The following ITCH variants were observed in gnomAD, a reference collection of about 807,000 sequenced individuals.
ITCH encodes the protein E3 ubiquitin-protein ligase Itchy homolog.
ITCH carries 28 observed loss-of-function variants against 126.8 expected under a neutral mutation model. The observed-to-expected ratio is 0.22, with a 90% CI of 0.16 to 0.30. The LOEUF is 0.30. ITCH is among the 10% of genes least tolerant of loss of function. The pLI, the probability that ITCH is intolerant of heterozygous loss-of-function variation, is 1.00. For synonymous variants in ITCH, 342 were observed against 340.0 expected, an observed-to-expected ratio of 1.01 and a Z score of -0.06; for missense variants, 631 against 1,032.4, an observed-to-expected ratio of 0.61 and a Z score of 5.33.
intron 11 of ITCH, among the ~76,000 whole-genome samples, 179 bp from the exon 12 acceptor site, chr20:34,449,232 G>T (rs1005308661): frequency 6.6e-6 from 1 of 151,762 alleles, no homozygotes; most frequent in African/African-American, 2.4e-5. Context: ...TGTTTGCACC[G>T]GTTTTTTTTA....
intron 3 of ITCH, among the ~76,000 whole-genome samples, chr20:34,407,626 A>G (rs1480537531): frequency 2.0e-5 from 3 of 152,060 alleles, no homozygotes; most frequent in African/African-American, 7.2e-5. Flanking sequence ...CCCTTCATTT[A>G]CCATTCCTTC....
intron 14 of ITCH, among the ~76,000 whole-genome samples, chr20:34,465,304 G>A (rs1986947555): frequency 6.6e-6 from 1 of 150,524 alleles, no homozygotes; most frequent in Non-Finnish European, 1.5e-5. Flanking sequence ...TTCAAATCAG[G>A]AAGGTATGTG....
At chr20:34,438,811 C>G (rs895882714) in intron 8 of ITCH, among the ~76,000 whole-genome samples, 180 bp downstream of exon 8, 6 of 152,064 alleles carry the variant, frequency 3.9e-5, no homozygotes, top group African/African-American at 1.2e-4. Context: ...AGTTTTTGTT[C>G]AAGGTGACGT....
rs542783167 is a variant in ITCH, at chr20:34,373,478, A to G, written c.-22+4008A>G. Among the ~76,000 whole-genome samples, 8 of 152,040 alleles carry G rather than the reference A, an allele frequency of 5.3e-5. No individual in the cohort carries two copies. In the East Asian group the frequency reaches 5.8e-4, roughly 11 times the overall value. ...TTTACTAGAGATGGGGTTTCACCATATTGGCCAGGCTGGTCTCAAACTCCT... is the reference window on the plus strand; with the variant it reads ...TTTACTAGAGATGGGGTTTCACCATGTTGGCCAGGCTGGTCTCAAACTCCT... On this transcript the variant is annotated intron_variant, in intron 2 of 24. Transcript: ENST00000374864.
At chr20:34,420,098 CTG>C (rs1980554962) in intron 6 of ITCH, among the ~76,000 whole-genome samples, 2 of 152,012 alleles carry the variant, frequency 1.3e-5, no homozygotes, top group Admixed American at 6.6e-5. Context: ...ATATTTAAAA[CTG>C]AGATGAAATT....
At chr20:34,505,060 T>C (rs751797402) in intron 24 of ITCH, among the ~76,000 whole-genome samples, 31 of 151,904 alleles carry the variant, frequency 2.0e-4, no homozygotes, top group Non-Finnish European at 4.0e-4. Context: ...TTGTTTGTTT[T>C]TGAGACAGGG....
At position 34,417,189 on chromosome 20, in the gene ITCH, C is replaced by T. The variant is rs765532777; in HGVS notation, c.475+3310C>T. On this transcript the variant is annotated intron_variant, in intron 6 of 24. Transcript: ENST00000374864. ...TCGGCTCACTGCAACCTCTGCCTCC[C>T]GGGTTTAAGTGATTCTCCTATCTCA... is the stretch of plus-strand genomic sequence containing the variant. 5.7e-5 allele frequency: 39 copies of T among 679,890 alleles called. 1 individual carries two copies. The highest frequency in any genetic ancestry group is 3.2e-4 in the African/African-American group (18 of 55,938). The allele number at this position is 679,890 out of a possible 1,614,324, so 42.1% of individuals were successfully genotyped here.
chr20:34,381,260 C>T (rs986952255), intron 2 of ITCH, among the ~76,000 whole-genome samples: 1 of 151,620 alleles, frequency 6.6e-6, no homozygotes, highest in South Asian at 2.1e-4. Flanking sequence ...ACTATCTGGA[C>T]GTGGTGGTGT....
intron 20 of ITCH, among the ~76,000 whole-genome samples, chr20:34,482,271 A>G (rs1042782214): frequency 1.3e-5 from 2 of 152,202 alleles, no homozygotes; most frequent in Non-Finnish European, 2.9e-5. Flanking sequence ...CCTTCTCAAC[A>G]GTCCCCAAAG....
Position 34,440,162 on chromosome 20 carries a change from C to T in ITCH, c.687C>T (p.Val229=), listed in dbSNP as rs775375421. 7.5e-6 allele frequency: 12 copies of T among 1,610,266 alleles called. No individual in the cohort carries two copies. In the East Asian group the frequency reaches 2.0e-4, roughly 27 times the overall value. Residue 229 remains valine, a synonymous_variant, in exon 9 of 25, where the codon GTC becomes GTT. Coordinates refer to ENST00000374864, the MANE Select transcript of ITCH (RefSeq NM_031483.7). ...TCCCCAAATCTTTTATAGCATCTGT[C>T]AATGGTTCACCATCTGCCACTTCTG... ...PPPTPRRPAS[V]NGSPSATSES...
intron 2 of ITCH, among the ~76,000 whole-genome samples, chr20:34,373,459 A>G (rs1245453216): frequency 6.6e-6 from 1 of 152,022 alleles, no homozygotes; most frequent in African/African-American, 2.4e-5. Flanking sequence ...TATTTTTACT[A>G]GAGATGGGGT....
At position 34,509,223 on chromosome 20, in the gene ITCH, C is replaced by T. The variant is rs983035290; in HGVS notation, c.*1429C>T. 2 of 152,472 alleles carry T rather than the reference C, an allele frequency of 1.3e-5. No homozygotes were observed. Among genetic ancestry groups the T allele is most frequent in the East Asian group, 1.9e-4 (1 of 5,198 alleles). 9.4% of individuals were successfully genotyped at this position (152,472 alleles called of 1,614,324 possible). A position where few individuals can be genotyped will look rare whatever the true frequency, so the allele number is the denominator to read the frequency against. ...TAATTATTTTAACTTGGCCTAGCTT[C>T]GACTGTCAAGGTGGCTGTTATAAAT... On this transcript the variant is annotated 3_prime_UTR_variant, in exon 25 of 25. Coordinates refer to ENST00000374864, the MANE Select transcript of ITCH (RefSeq NM_031483.7).
At position 34,459,688 on chromosome 20, in the gene ITCH, A is replaced by T. The variant is rs189202878; in HGVS notation, c.1295+2214A>T. On this transcript the variant is annotated intron_variant, in intron 13 of 24. Coordinates refer to ENST00000374864, the MANE Select transcript of ITCH (RefSeq NM_031483.7). The stretch of plus-strand genomic sequence containing the variant: ...ATGGTTTAGGTTGCACTGAGCTGAG[A>T]TCATACCACTGCATTCCAGCTTGGG... Among the ~76,000 whole-genome samples the T allele has an allele frequency of 2.6e-5, 4 of 152,306 alleles. No homozygotes were observed. In the East Asian group the frequency reaches 7.7e-4, roughly 29 times the overall value.
intron 3 of ITCH, among the ~76,000 whole-genome samples, chr20:34,403,761 G>A (rs1220427567): frequency 1.3e-5 from 2 of 152,102 alleles, no homozygotes; most frequent in Non-Finnish European, 2.9e-5. Context: ...TCAAAGAGAA[G>A]GGGGATGTTT....
intron 20 of ITCH, among the ~76,000 whole-genome samples, chr20:34,485,247 G>T (rs1373247766): frequency 6.6e-6 from 1 of 152,098 alleles, no homozygotes; most frequent in Non-Finnish European, 1.5e-5. Context: ...GAGTAAAGCT[G>T]CTATAAACAT....
chr20:34,433,165 CT>C lies in ITCH; in HGVS notation c.522-5308del, dbSNP rs1251892716. ...ATTGGCCGGGCATGGTGGCAGGTGC[CT>C]GTATTCCCAGCTACTTGGGAGGCTG... On this transcript the variant is annotated intron_variant, in intron 7 of 24. Transcript: ENST00000374864. 3.9e-5 allele frequency among the ~76,000 whole-genome samples: 6 copies of C among 152,240 alleles called. No individual in the cohort carries two copies. The East Asian group carries it at 1.2e-3, about 29-fold the overall frequency.
At position 34,510,345 on chromosome 20, in the gene ITCH, TGTAA is replaced by T. The variant is rs1978639025; in HGVS notation, c.*2555_*2558del. 1 of 152,488 alleles carries T rather than the reference TGTAA, an allele frequency of 6.6e-6. No individual in the cohort carries two copies. The highest frequency in any genetic ancestry group is 1.5e-5 in the Non-Finnish European group (1 of 68,044). 9.4% of individuals were successfully genotyped at this position (152,488 alleles called of 1,614,324 possible). A position where few individuals can be genotyped will look rare whatever the true frequency, so the allele number is the denominator to read the frequency against. On this transcript the variant is annotated 3_prime_UTR_variant, in exon 25 of 25. Transcript: ENST00000374864. ...ACTGAACATATGGAAATAGATTTAT[TGTAA>T]GTATTTACTTAGAGCTTTTTCTTAA...
chr20:34,436,724 G>C (rs1002616192), intron 7 of ITCH, among the ~76,000 whole-genome samples: 1 of 152,214 alleles, frequency 6.6e-6, no homozygotes, highest in African/African-American at 2.4e-5. Flanking sequence ...TGAAGATTGT[G>C]CATTTCTGAC....
chr20:34,421,324 T>C (rs1395657877), intron 6 of ITCH, among the ~76,000 whole-genome samples: 2 of 152,172 alleles, frequency 1.3e-5, no homozygotes, highest in Admixed American at 6.6e-5. Context: ...ACCCAAGAAA[T>C]AGGAACGATG....
Sources: gnomAD v4.1 joint callset for allele counts (sites outside exome capture counted in the v4.1 genomes callset) on GRCh38, gnomAD v4.1.1 for gene constraint, MANE v1.5 for transcripts, NCBI Gene and HGNC (gene_info 2026-07-23, HGNC 2026-07-21) for gene names.